The following PREX1 variants were observed in gnomAD, a reference collection of about 807,000 sequenced individuals.
PREX1 encodes the protein phosphatidylinositol-3,4,5-trisphosphate dependent Rac exchange factor 1.
A neutral mutation model predicts 198.3 loss-of-function variants in PREX1; 41 were observed. The ratio of observed to expected loss-of-function variants is 0.21; its 90% CI spans 0.16 to 0.27. PREX1 has a LOEUF of 0.27. Among genes scored for constraint, PREX1 ranks in the 10% least tolerant of loss-of-function variants. The pLI is 1.00. For synonymous variants in PREX1, 843 were observed against 887.2 expected (o/e 0.95, Z 0.89); for missense variants, 1,620 against 2,200.7 (o/e 0.74, Z 5.28).
At chr20:48,627,805 G>A (rs966116001) in intron 38 of PREX1, 56 bp downstream of exon 38, 116 of 1,527,208 alleles carry the variant, frequency 7.6e-5, no homozygotes, top group Admixed American at 4.7e-4. Context: ...CTGGCTGCAA[G>A]CATGCCACGC....
At chr20:48,846,161 C>G in the PREX1 span, among the ~76,000 whole-genome samples, 26,829 of 152,032 alleles carry the variant, frequency 0.18, 2,466 homozygotes, top group Admixed American at 0.19. Context: ...AACTTGCCTA[C>G]GGTCACATAG....
chr20:48,689,331 T>C (rs1353712387), intron 9 of PREX1, among the ~76,000 whole-genome samples: 1 of 152,248 alleles, frequency 6.6e-6, no homozygotes, highest in South Asian at 2.1e-4. Context: ...ACCTACTACA[T>C]GCCAGTACGC....
the PREX1 span, among the ~76,000 whole-genome samples, chr20:48,876,204 TTCTTTCCCCA>T: frequency 2.0e-5 from 3 of 152,084 alleles, no homozygotes; most frequent in East Asian, 5.8e-4. Context: ...GGTCAGGAAG[TTCTTTCCCCA>T]GCAGGCTCCC....
chr20:48,857,128 G>A, the PREX1 span, among the ~76,000 whole-genome samples: 7 of 152,166 alleles, frequency 4.6e-5, no homozygotes, highest in South Asian at 6.2e-4. Flanking sequence ...CATGAGGCAC[G>A]GTGCCCAGCC....
chr20:48,873,070 G>A, the PREX1 span, among the ~76,000 whole-genome samples: 99 of 152,276 alleles, frequency 6.5e-4, 2 homozygotes, highest in South Asian at 0.015. Context: ...AGGAGATGCT[G>A]TTGGTCTCAT....
chr20:48,776,382 A>C (rs1275847003), intron 1 of PREX1, among the ~76,000 whole-genome samples: 1 of 152,174 alleles, frequency 6.6e-6, no homozygotes, highest in Non-Finnish European at 1.5e-5. Context: ...TCTGAGAGCC[A>C]AGATGTCCAA....
At position 48,817,912 on chromosome 20, in the gene PREX1, C is replaced by T. The variant is rs548651458; in HGVS notation, c.219+9730G>A. Among the ~76,000 whole-genome samples, 45 of 151,924 alleles carry T rather than the reference C, an allele frequency of 3.0e-4. 3 individuals carry two copies. Among genetic ancestry groups the T allele is most frequent in the African/African-American group, 1.0e-3 (43 of 41,390 alleles). The stretch of plus-strand genomic sequence containing the variant: ...TCTTGGCATGCCTGTGACATTCCAG[C>T]GAGGGAGGCAGACAATAAGTAATAA... On this transcript the variant is annotated intron_variant, in intron 1 of 39. Transcript: ENST00000371941.
chr20:48,745,062 T>C lies in PREX1; in HGVS notation c.377A>G (p.Gln126Arg). The stretch of plus-strand genomic sequence containing the variant: ...AACATTCCCAAGTTCATGCTGAGAC[T>C]GCGGCTCCGGGTGTAAACAATACTC... Reference protein sequence around the residue: ...ALEYCLHPEPQSQHELGNVFL... With the variant: ...ALEYCLHPEPRSQHELGNVFL... The change falls in exon 3 of 40, where the codon CAG (glutamine) becomes CGG (arginine). Residue 126 changes from glutamine (Q) to arginine (R), a missense_variant. Around this residue, in one of 7 missense-constraint regions of PREX1, gnomAD observed 488 missense variants for 802.5 expected, o/e 0.61. Coordinates refer to ENST00000371941, the MANE Select transcript of PREX1 (RefSeq NM_020820.4). 2 of 1,614,168 alleles carry C rather than the reference T, an allele frequency of 1.2e-6. No homozygotes were observed. Among genetic ancestry groups the C allele is most frequent in the Non-Finnish European group, 1.7e-6 (2 of 1,179,986 alleles).
chr20:48,740,173 G>T, intron 3 of PREX1, among the ~76,000 whole-genome samples: 1 of 152,124 alleles, frequency 6.6e-6, no homozygotes, highest in South Asian at 2.1e-4. Flanking sequence ...CCATGGCCAT[G>T]GGAAAATGTT....
At chr20:48,878,641 T>C in the PREX1 span, among the ~76,000 whole-genome samples, 5 of 152,090 alleles carry the variant, frequency 3.3e-5, no homozygotes, top group African/African-American at 1.2e-4. Flanking sequence ...CCCGGCCACA[T>C]TCCCCTTTTT....
intron 37 of PREX1, 142 bp downstream of exon 37, chr20:48,629,307 G>A: frequency 3.4e-6 from 4 of 1,171,000 alleles, no homozygotes; most frequent in Non-Finnish European, 4.8e-6. Flanking sequence ...AAACTGAGGT[G>A]CAGACAGAGC....
intron 1 of PREX1, among the ~76,000 whole-genome samples, chr20:48,774,569 A>G (rs1281214329): frequency 6.6e-6 from 1 of 152,204 alleles, no homozygotes; most frequent in Non-Finnish European, 1.5e-5. Flanking sequence ...CAGTTTCTAC[A>G]TTCATAAAAG....
rs758347401 is a variant in PREX1, at chr20:48,827,604, G to A, written c.219+38C>T. ...GGGACCGCAGCGGGGCGAGCGGCTG[G>A]AGGGAAAGCTGTCCCCAAGCTCCCG... On this transcript the variant is annotated intron_variant, in intron 1 of 39. Coordinates refer to ENST00000371941, the MANE Select transcript of PREX1 (RefSeq NM_020820.4). The surrounding 1 kb of genome is among the most constrained non-coding windows in gnomAD (Gnocchi z 4.1). The A allele has an allele frequency of 8.2e-7, 1 of 1,226,194 alleles. No homozygotes were observed. The highest frequency in any genetic ancestry group is 1.0e-6 in the Non-Finnish European group (1 of 967,256). 76.0% of individuals were successfully genotyped at this position (1,226,194 alleles called of 1,614,324 possible).
chr20:48,773,216 G>A (rs1272915427), intron 1 of PREX1, among the ~76,000 whole-genome samples: 1 of 139,386 alleles, frequency 7.2e-6, no homozygotes, highest in African/African-American at 2.7e-5. Context: ...GTAGTGAGCC[G>A]AGATCACGCC....
At chr20:48,757,838 A>G (rs889336063) in intron 1 of PREX1, among the ~76,000 whole-genome samples, 3 of 152,222 alleles carry the variant, frequency 2.0e-5, no homozygotes, top group African/African-American at 7.2e-5. Context: ...GAGGCCTTTA[A>G]AAATACGTGC....
chr20:48,662,779 C>T (rs2089606770), intron 15 of PREX1, among the ~76,000 whole-genome samples: 2 of 152,158 alleles, frequency 1.3e-5, no homozygotes, highest in African/African-American at 4.8e-5. Context: ...TTTTTGAGTT[C>T]GTGGCAGGGA....
At chr20:48,638,238 A>G (rs568683607) in intron 30 of PREX1, among the ~76,000 whole-genome samples, 31 of 152,254 alleles carry the variant, frequency 2.0e-4, no homozygotes, top group African/African-American at 7.2e-4. Context: ...CAGACACACA[A>G]GTGCACACCA....
intron 3 of PREX1, among the ~76,000 whole-genome samples, chr20:48,735,769 G>C (rs1194521922): frequency 6.6e-6 from 1 of 152,122 alleles, no homozygotes; most frequent in African/African-American, 2.4e-5. Context: ...TGCTTCCCCA[G>C]GGTCTCGCCG....
intron 1 of PREX1, among the ~76,000 whole-genome samples, chr20:48,792,815 A>ATACACACACACACAC (rs758333598): frequency 6.6e-5 from 5 of 75,842 alleles, no homozygotes; most frequent in East Asian, 9.0e-4. Flanking sequence ...AAAAAAAAAA[A>ATACACACACACACAC]ATACACACAC....
Sources: allele counts gnomAD v4.1 joint callset (sites outside exome capture counted in the v4.1 genomes callset), GRCh38; gene constraint gnomAD v4.1.1; regional missense constraint gnomAD v4.1.1; non-coding constraint Gnocchi (gnomAD v3.1); transcripts MANE v1.5; gene names NCBI Gene and HGNC (gene_info 2026-07-23, HGNC 2026-07-21).